ARHGAP24: variants seen among roughly 807,000 people sequenced by gnomAD.
The protein encoded by ARHGAP24 is Rho GTPase activating protein 24, also known as rho GTPase-activating protein 24.
In ARHGAP24, 50 loss-of-function variants were observed where a neutral mutation model predicts 76.4. That is an observed-to-expected ratio of 0.65 (90% confidence interval 0.52 to 0.83). The LOEUF (loss-of-function observed/expected upper bound fraction) is 0.83. Among genes scored for constraint, ARHGAP24 ranks in the 40% least tolerant of loss-of-function variants. ARHGAP24 has a pLI of 0.00. For missense variants in ARHGAP24, 930 were observed against 914.2 expected (o/e 1.02, Z -0.22); for synonymous variants, 345 against 323.3 (o/e 1.07, Z -0.72).
rs377269210 is a variant in ARHGAP24 at position 85,813,077 on chromosome 4, G to A, written c.268+91105G>A. 2.0e-5 allele frequency among the ~76,000 whole-genome samples: 3 copies of A among 152,112 alleles called. No homozygotes were observed. In the East Asian group the frequency reaches 5.8e-4, roughly 29 times the overall value. ...TGAGTTTATTTTCTTTTTCAAGGAG[G>A]TATCTTATTCCAGGATGAAGGAAGT... On this transcript the variant is annotated intron_variant, in intron 3 of 9. Transcript: ENST00000395184.
chr4:85,643,285 T>G (rs1721599441), intron 2 of ARHGAP24, among the ~76,000 whole-genome samples: 1 of 94,864 alleles, frequency 1.1e-5, no homozygotes. Flanking sequence ...GGAGTCTCGC[T>G]CTGTCGCCCA....
intron 4 of ARHGAP24, chr4:85,931,059 T>A: frequency 6.2e-7 from 1 of 1,605,330 alleles, no homozygotes; most frequent in Non-Finnish European, 8.5e-7. Context: ...AGATAATATG[T>A]TCATGTCCTT....
chr4:85,861,694 G>A (rs1731904685), intron 3 of ARHGAP24, among the ~76,000 whole-genome samples: 1 of 151,968 alleles, frequency 6.6e-6, no homozygotes, highest in Non-Finnish European at 1.5e-5. Context: ...TTTTTATAAT[G>A]TTACTTTATT....
At position 85,916,030 on chromosome 4, in the gene ARHGAP24, C is replaced by A. The variant is rs192854710; in HGVS notation, c.269-7618C>A. 6.1e-3 allele frequency among the ~76,000 whole-genome samples: 936 copies of A among 152,274 alleles called. 3 individuals carry two copies. The highest frequency in any genetic ancestry group is 0.011 in the Non-Finnish European group (744 of 68,022). Reference sequence around the variant, plus strand: ...CACAACAGTTGAACTAATTTACACTCCCACCAACAGTGTAAAATTGTTCCT... The same window carrying A: ...CACAACAGTTGAACTAATTTACACTACCACCAACAGTGTAAAATTGTTCCT... On this transcript the variant is annotated intron_variant, in intron 3 of 9. Transcript: ENST00000395184.
At chr4:85,949,030 A>G (rs1374455724) in intron 5 of ARHGAP24, among the ~76,000 whole-genome samples, 1 of 152,076 alleles carries the variant, frequency 6.6e-6, no homozygotes, top group African/African-American at 2.4e-5. Flanking sequence ...TGGCCTGAAA[A>G]CCTCCTTAGC....
chr4:85,630,273 A>C (rs969393243), intron 2 of ARHGAP24, among the ~76,000 whole-genome samples: 1 of 151,988 alleles, frequency 6.6e-6, no homozygotes, highest in Admixed American at 6.6e-5. Flanking sequence ...TTAATTGTCT[A>C]TTTGTTCTCC....
intron 6 of ARHGAP24, among the ~76,000 whole-genome samples, chr4:85,974,009 A>ATTTTTTT (rs201491396): frequency 1.6e-5 from 2 of 127,120 alleles, no homozygotes; most frequent in Non-Finnish European, 1.6e-5. Flanking sequence ...AGCCTGGCTA[A>ATTTTTTT]TTTTTTTTTT....
intron 3 of ARHGAP24, among the ~76,000 whole-genome samples, chr4:85,749,251 C>A (rs1456517798): frequency 6.6e-6 from 1 of 152,214 alleles, no homozygotes; most frequent in Non-Finnish European, 1.5e-5. Flanking sequence ...GTTTACTAAG[C>A]TTTACATTCA....
intron 3 of ARHGAP24, among the ~76,000 whole-genome samples, chr4:85,810,773 T>C (rs1460378284): frequency 1.3e-5 from 2 of 152,232 alleles, no homozygotes; most frequent in Non-Finnish European, 2.9e-5. Context: ...GTGTCACTTC[T>C]TTTTGTTTGT....
intron 1 of ARHGAP24, among the ~76,000 whole-genome samples, chr4:85,525,303 A>G (rs997145989): frequency 2.6e-5 from 2 of 76,164 alleles, no homozygotes; most frequent in Non-Finnish European, 5.0e-5. Context: ...GGCTCCTTTT[A>G]TGCATTTATA....
intron 2 of ARHGAP24, among the ~76,000 whole-genome samples, chr4:85,703,908 A>T (rs991394687): frequency 6.6e-6 from 1 of 152,094 alleles, no homozygotes; most frequent in East Asian, 1.9e-4. Context: ...CCCCAAAAAA[A>T]TCCCCAATGC....
intron 5 of ARHGAP24, among the ~76,000 whole-genome samples, chr4:85,965,947 T>A (rs942563056): frequency 1.1e-4 from 17 of 152,162 alleles, no homozygotes; most frequent in African/African-American, 3.9e-4. Flanking sequence ...TTGGGGGTTG[T>A]TTTAGTCAAT....
intron 5 of ARHGAP24, among the ~76,000 whole-genome samples, chr4:85,971,044 C>T (rs1257506210): frequency 1.3e-5 from 2 of 152,104 alleles, no homozygotes; most frequent in African/African-American, 4.8e-5. Context: ...ATGTAAAGGA[C>T]GTTAAGTTTT....
intron 2 of ARHGAP24, among the ~76,000 whole-genome samples, chr4:85,620,858 C>T (rs1169393067): frequency 6.6e-6 from 1 of 151,928 alleles, no homozygotes; most frequent in East Asian, 1.9e-4. Context: ...TAGCGTTTGA[C>T]TTCTATTGAA....
chr4:85,868,961 G>A (rs2665872), intron 3 of ARHGAP24, among the ~76,000 whole-genome samples: 144,842 of 152,056 alleles, frequency 0.95, 69,439 homozygotes, highest in East Asian at 1. Context: ...ATAGTTGTAT[G>A]TATTTTGTAT....
chr4:85,712,562 A>AGGGTTTGGGG (rs994066101), intron 2 of ARHGAP24, among the ~76,000 whole-genome samples: 12 of 152,010 alleles, frequency 7.9e-5, no homozygotes, highest in Admixed American at 7.9e-4. Flanking sequence ...CTGTCTTCTG[A>AGGGTTTGGGG]GGGTTTGGGG....
At chr4:85,828,110 T>C in intron 3 of ARHGAP24, 1 of 607,284 alleles carries the variant, frequency 1.6e-6, no homozygotes, top group Non-Finnish European at 2.7e-6. Flanking sequence ...ATTTATACCC[T>C]TGTTTTCTGT....
At chr4:85,926,846 G>A (rs1459494102) in intron 4 of ARHGAP24, among the ~76,000 whole-genome samples, 6 of 152,096 alleles carry the variant, frequency 3.9e-5, no homozygotes, top group Non-Finnish European at 8.8e-5. Flanking sequence ...GAAGTAAGAA[G>A]AAAACCCATG....
rs115572661 is a variant in ARHGAP24, at chr4:85,513,024, T to C, written c.-21+37465T>C. Among the ~76,000 whole-genome samples, 530 of 152,358 alleles carry C rather than the reference T, an allele frequency of 3.5e-3. 1 individual carries two copies. The highest frequency in any genetic ancestry group is 0.012 in the African/African-American group (508 of 41,588). On this transcript the variant is annotated intron_variant, in intron 1 of 9. Coordinates refer to ENST00000395184, the MANE Select transcript of ARHGAP24 (RefSeq NM_001025616.3). ...AGTTATGTCCTCTCCCTTAGATTAA[T>C]TGGCATTCTTTTCTGCCTTGTGAAT...
Sources: allele counts gnomAD v4.1 joint callset (sites outside exome capture counted in the v4.1 genomes callset), GRCh38; gene constraint gnomAD v4.1.1; transcripts MANE v1.5; gene names NCBI Gene and HGNC (gene_info 2026-07-23, HGNC 2026-07-21).